Variants in RMND1 observed in about 807,000 individuals in gnomAD.
The protein encoded by RMND1 is required for meiotic nuclear division protein 1 homolog.
A neutral mutation model predicts 54.0 loss-of-function variants in RMND1; 41 were observed. The observed-to-expected ratio is 0.76, with a 90% CI of 0.59 to 0.98. The LOEUF (loss-of-function observed/expected upper bound fraction) is 0.98. RMND1 is among the 50% of genes least tolerant of loss of function. The pLI is 0.00. For missense variants in RMND1, 457 were observed against 532.0 expected, an observed-to-expected ratio of 0.86 and a Z score of 1.39; for synonymous variants, 183 against 181.7, an observed-to-expected ratio of 1.01 and a Z score of -0.06.
At position 151,428,676 on chromosome 6, in the gene RMND1, T is replaced by C. The variant is rs537928770; in HGVS notation, c.730-1094A>G. ...CCTCCCAAGTAGCTGGGACTACAGGTACACACTACCACACCTGGCTAACTT... is the reference window on the plus strand; with the variant it reads ...CCTCCCAAGTAGCTGGGACTACAGGCACACACTACCACACCTGGCTAACTT... On this transcript the variant is annotated intron_variant, in intron 5 of 11. Transcript: ENST00000444024. 1.7e-3 allele frequency among the ~76,000 whole-genome samples: 261 copies of C among 152,196 alleles called. 2 individuals are homozygous for C. Among genetic ancestry groups the C allele is most frequent in the African/African-American group, 6.1e-3 (255 of 41,512 alleles).
rs561584773 is a variant in RMND1 at position 151,427,253 on chromosome 6, G to A, written c.830+229C>T. Among the ~76,000 whole-genome samples, 11 of 152,116 alleles carry A rather than the reference G, an allele frequency of 7.2e-5. No homozygotes were observed. In the East Asian group the frequency reaches 2.0e-3, roughly 27 times the overall value. The stretch of plus-strand genomic sequence containing the variant: ...TAGCTGGGCGTGGTGGTGCACACCT[G>A]TAGTCCCACTTACTCAGGAGGCTGA... On this transcript the variant is annotated intron_variant, in intron 6 of 11. Coordinates refer to ENST00000444024, the MANE Select transcript of RMND1 (RefSeq NM_017909.4).
intron 1 of RMND1, among the ~76,000 whole-genome samples, chr6:151,451,270 G>C (rs1781184378): frequency 6.7e-6 from 1 of 148,584 alleles, no homozygotes; most frequent in Non-Finnish European, 1.5e-5. Context: ...TTTCTCCATT[G>C]TTTAACATCA....
chr6:151,436,002 G>A (rs1436347404), intron 3 of RMND1, among the ~76,000 whole-genome samples: 1 of 151,654 alleles, frequency 6.6e-6, no homozygotes, highest in African/African-American at 2.4e-5. Flanking sequence ...CTACTCCGGA[G>A]GCTGAGGCAG....
At chr6:151,433,006 T>G (rs1272366905) in intron 4 of RMND1, 149 bp downstream of exon 4, 1 of 535,270 alleles carries the variant, frequency 1.9e-6, no homozygotes, top group East Asian at 3.1e-5. Context: ...CAAACTCTCC[T>G]AGATTAAATA....
Position 151,442,485 on chromosome 6 carries a change from G to T in RMND1, c.504+2823C>A, listed in dbSNP as rs1780809903. Among the ~76,000 whole-genome samples, 3 of 152,224 alleles carry T rather than the reference G, an allele frequency of 2.0e-5. No homozygotes were observed. The South Asian group carries it at 6.2e-4, about 32-fold the overall frequency. Reference sequence around the variant, plus strand: ...AGACCTGCCGTTCCCATCCTCTGCTGTTCTCTTCAAAGACTGGACATTAAC... The same window carrying T: ...AGACCTGCCGTTCCCATCCTCTGCTTTTCTCTTCAAAGACTGGACATTAAC... On this transcript the variant is annotated intron_variant, in intron 2 of 11. Coordinates refer to ENST00000444024, the MANE Select transcript of RMND1 (RefSeq NM_017909.4).
At chr6:151,436,207 TCA>T (rs1780607301) in intron 3 of RMND1, 1 of 414,470 alleles carries the variant, frequency 2.4e-6, no homozygotes, top group Non-Finnish European at 4.4e-6. Flanking sequence ...TCTGACCACC[TCA>T]AGTAATAATG....
chr6:151,417,297 G>C lies in RMND1; in HGVS notation c.1182C>G (p.Ser394Arg). 1 of 1,612,294 alleles carries C rather than the reference G, an allele frequency of 6.2e-7. No homozygotes were observed. Among genetic ancestry groups the C allele is most frequent in the Non-Finnish European group, 8.5e-7 (1 of 1,179,530 alleles). Residue 394 changes from serine to arginine, a missense_variant, in exon 10 of 12, where the codon AGC (serine) becomes AGG (arginine). Transcript: ENST00000444024. The stretch of plus-strand genomic sequence containing the variant: ...TACGTACCTTAACTCTTCGGCCAAT[G>C]CTAAGGAATTGACACGTTTTATCGT... ...GLYDKTCQFL[S>R]IGRRVKVMNE...
chr6:151,448,057 C>T (rs1781015570), intron 1 of RMND1, among the ~76,000 whole-genome samples: 1 of 152,096 alleles, frequency 6.6e-6, no homozygotes, highest in Non-Finnish European at 1.5e-5. Context: ...CTCAGGTGAT[C>T]CACCTGCCTT....
intron 6 of RMND1, among the ~76,000 whole-genome samples, chr6:151,426,236 C>T (rs1582954419): frequency 6.6e-6 from 1 of 152,144 alleles, no homozygotes; most frequent in East Asian, 1.9e-4. Flanking sequence ...TGTGAGCCAC[C>T]AAATCTGGCT....
intron 3 of RMND1, among the ~76,000 whole-genome samples, chr6:151,434,444 T>C (rs1411589203): frequency 2.0e-5 from 3 of 150,782 alleles, no homozygotes; most frequent in African/African-American, 4.9e-5. Context: ...AATTACTACA[T>C]CCTACATAGG....
chr6:151,428,754 G>T (rs1014941927), intron 5 of RMND1, among the ~76,000 whole-genome samples: 4 of 152,014 alleles, frequency 2.6e-5, no homozygotes, highest in African/African-American at 9.7e-5. Flanking sequence ...GGCTGGTCTG[G>T]AACTCCTGAG....
intron 2 of RMND1, chr6:151,444,436 C>G (rs1395222722): frequency 6.6e-6 from 1 of 152,116 alleles, no homozygotes; most frequent in Non-Finnish European, 1.5e-5. Flanking sequence ...GATTCAGAAT[C>G]AGAGGATGAG....
intron 10 of RMND1, among the ~76,000 whole-genome samples, chr6:151,406,386 GGA>G (rs1779621087): frequency 1.3e-5 from 2 of 152,110 alleles, no homozygotes; most frequent in African/African-American, 4.8e-5. Flanking sequence ...TTTTTGGGAT[GGA>G]GTCTCCCTCT....
intron 10 of RMND1, among the ~76,000 whole-genome samples, chr6:151,410,805 A>G (rs1779807776): frequency 6.6e-6 from 1 of 152,208 alleles, no homozygotes; most frequent in African/African-American, 2.4e-5. Flanking sequence ...CAGTATAACG[A>G]AAGATAACCG....
At chr6:151,430,629 TA>T (rs1780423999) in intron 4 of RMND1, among the ~76,000 whole-genome samples, 1 of 152,202 alleles carries the variant, frequency 6.6e-6, no homozygotes, top group Admixed American at 6.5e-5. Context: ...ATCAGATGGT[TA>T]AAGGCCTCTA....
intron 2 of RMND1, chr6:151,444,651 AT>A (rs1304853453): frequency 8.1e-6 from 1 of 124,190 alleles, no homozygotes; most frequent in Non-Finnish European, 1.9e-5. Context: ...AGATCCTCTT[AT>A]AAACATTTAA....
At chr6:151,442,319 C>A (rs374891224) in intron 2 of RMND1, among the ~76,000 whole-genome samples, 13 of 152,108 alleles carry the variant, frequency 8.5e-5, no homozygotes, top group African/African-American at 2.9e-4. Context: ...CCAGTATTTA[C>A]GTTTATCATG....
At chr6:151,413,257 TTC>T (rs1430160917) in intron 10 of RMND1, among the ~76,000 whole-genome samples, 2 of 152,316 alleles carry the variant, frequency 1.3e-5, no homozygotes, top group African/African-American at 4.8e-5. Flanking sequence ...TGTTTCTTTT[TTC>T]TTTTTATTTT....
chr6:151,432,236 C>T (rs982070794), intron 4 of RMND1, among the ~76,000 whole-genome samples: 11 of 152,120 alleles, frequency 7.2e-5, no homozygotes, highest in Non-Finnish European at 1.6e-4. Context: ...CGTGCCCAGC[C>T]GAGGCTTGCA....
Sources: gnomAD v4.1 joint callset for allele counts (sites outside exome capture counted in the v4.1 genomes callset) on GRCh38, gnomAD v4.1.1 for gene constraint, MANE v1.5 for transcripts, NCBI Gene and HGNC (gene_info 2026-07-23, HGNC 2026-07-21) for gene names.